PABIR2: variants seen among roughly 807,000 people sequenced by gnomAD.
PABIR2 encodes the protein family with sequence similarity 122B.
In PABIR2, 7 loss-of-function variants were observed where a neutral mutation model predicts 22.8. The observed-to-expected ratio is 0.31, with a 90% CI of 0.17 to 0.58. The LOEUF (loss-of-function observed/expected upper bound fraction) is 0.58. Among genes scored for constraint, PABIR2 ranks in the 20% least tolerant of loss-of-function variants. The pLI, the probability that PABIR2 is intolerant of heterozygous loss-of-function variation, is 0.89. For synonymous variants in PABIR2, 67 were observed against 73.8 expected (o/e 0.91, Z 0.47); for missense variants, 155 against 205.1 (o/e 0.76, Z 1.49).
At chrX:134,786,555 T>C (rs1356552167) in intron 7 of PABIR2, among the ~76,000 whole-genome samples, 4 of 111,855 alleles carry the variant, frequency 3.6e-5, no homozygotes, top group Non-Finnish European at 1.9e-5. Context: ...ATTTGATTGA[T>C]CTATGAACTT....
At position 134,777,267 on chromosome X, in the gene PABIR2, C is replaced by T. The variant is rs753046782; in HGVS notation, c.659+4554G>A. 4.7e-4 allele frequency among the ~76,000 whole-genome samples: 53 copies of T among 112,228 alleles called. 1 individual carries two copies. The South Asian group carries it at 0.018, about 38-fold the overall frequency. ...AGAGCCTGGGTGCGGTGGCTCATGCCTGTAATCCCAACACTTTGGGAGGCC... is the reference window on the plus strand; with the variant it reads ...AGAGCCTGGGTGCGGTGGCTCATGCTTGTAATCCCAACACTTTGGGAGGCC... On this transcript the variant is annotated intron_variant, in intron 9 of 9. Coordinates refer to ENST00000343004, the MANE Select transcript of PABIR2 (RefSeq NM_001387468.1).
intron 9 of PABIR2, among the ~76,000 whole-genome samples, chrX:134,773,276 TA>T (rs1384386243): frequency 9.1e-6 from 1 of 110,158 alleles, no homozygotes; most frequent in African/African-American, 3.3e-5. Context: ...TCACTTATTC[TA>T]ATATTTACTG....
chrX:134,788,897 T>C, intron 5 of PABIR2, 66 bp from the exon 6 acceptor site: 3 of 1,048,119 alleles, frequency 2.9e-6, no homozygotes, highest in East Asian at 3.1e-5. Context: ...CTTACTACTA[T>C]AACACACCCA....
chrX:134,782,765 T>C (rs1365176658), intron 8 of PABIR2, among the ~76,000 whole-genome samples: 1 of 112,311 alleles, frequency 8.9e-6, no homozygotes, highest in Admixed American at 9.5e-5. Flanking sequence ...CTTAAAACTG[T>C]ACAATTAGAA....
intron 9 of PABIR2, among the ~76,000 whole-genome samples, chrX:134,774,855 C>T (rs192652825): frequency 2.2e-3 from 251 of 112,181 alleles, no homozygotes; most frequent in Non-Finnish European, 3.9e-3. Context: ...TACTCATGGT[C>T]ATGGAAGCAG....
chrX:134,788,197 G>A (rs1217150611), intron 6 of PABIR2, among the ~76,000 whole-genome samples: 1 of 62,044 alleles, frequency 1.6e-5, no homozygotes, highest in Non-Finnish European at 2.7e-5. Flanking sequence ...ATATATACAC[G>A]TTATATATGT....
At position 134,771,593 on chromosome X, in the gene PABIR2, G is replaced by A. The variant is rs961737768; in HGVS notation, c.*546C>T. On this transcript the variant is annotated 3_prime_UTR_variant, in exon 10 of 10. Coordinates refer to ENST00000343004, the MANE Select transcript of PABIR2 (RefSeq NM_001387468.1). Reference sequence around the variant, plus strand: ...CCCCTCTGTGAGAAATGGCATAAGCGGCTCAAACAGGAAAGGGAAACAAAA... The same window carrying A: ...CCCCTCTGTGAGAAATGGCATAAGCAGCTCAAACAGGAAAGGGAAACAAAA... 1.1e-6 allele frequency: 1 copy of A among 903,391 alleles called. No individual in the cohort carries two copies. Among genetic ancestry groups the A allele is most frequent in the Non-Finnish European group, 1.4e-6 (1 of 735,004 alleles). The allele number at this position is 903,391 out of a possible 1,213,427, so 74.4% of individuals were successfully genotyped here.
intron 1 of PABIR2, chrX:134,794,126 C>T: frequency 3.7e-6 from 2 of 542,420 alleles, no homozygotes. Flanking sequence ...CGGGGGGCAG[C>T]TGGGAGAGGT....
intron 8 of PABIR2, among the ~76,000 whole-genome samples, chrX:134,783,117 A>T (rs1173484944): frequency 8.9e-6 from 1 of 112,265 alleles, no homozygotes; most frequent in Non-Finnish European, 1.9e-5. Context: ...TCCAACTGTT[A>T]TTTTCACTTA....
Position 134,796,230 on chromosome X carries a change from G to A in PABIR2, c.-25C>T, listed in dbSNP as rs369583664. On this transcript the variant is annotated 5_prime_UTR_variant, in exon 1 of 10. Transcript: ENST00000343004. ...TGTCAGACTTGCAGGCAGGCACAGC[G>A]GGCAGTGCTCAGCTCCTGGTGCTTA... 1 of 1,162,316 alleles carries A rather than the reference G, an allele frequency of 8.6e-7. No individual in the cohort carries two copies. The highest frequency in any genetic ancestry group is 1.2e-6 in the Non-Finnish European group (1 of 853,333).
At chrX:134,787,606 CTTTCTTTTTTTTTTT>C (rs1178264009) in intron 6 of PABIR2, 73 bp from the exon 7 acceptor site, 1 of 288,083 alleles carries the variant, frequency 3.5e-6, no homozygotes, top group Non-Finnish European at 5.2e-6. Flanking sequence ...CTCCAGTTTT[CTTTCTTTTTTTTTTT>C]TTTTTTTTTT....
intron 2 of PABIR2, among the ~76,000 whole-genome samples, chrX:134,792,680 C>A (rs2079581008): frequency 8.9e-6 from 1 of 112,329 alleles, no homozygotes; most frequent in Non-Finnish European, 1.9e-5. Context: ...TTGTGCGATT[C>A]TGAGCAAGTG....
At chrX:134,772,682 AGGTGTTC>A (rs2078866097) in intron 9 of PABIR2, among the ~76,000 whole-genome samples, 1 of 111,342 alleles carries the variant, frequency 9.0e-6, no homozygotes, top group Non-Finnish European at 1.9e-5. Context: ...GGACTATCAG[AGGTGTTC>A]GATCAAGTAC....
chrX:134,796,142 T>C lies in PABIR2; in HGVS notation c.64A>G (p.Arg22Gly). Residue 22 changes from arginine to glycine, a missense_variant, in exon 1 of 10, where the codon AGA (arginine) becomes GGA (glycine). Coordinates refer to ENST00000343004, the MANE Select transcript of PABIR2 (RefSeq NM_001387468.1). Reference sequence around the variant, plus strand: ...TGGATTAGGGGAGCGCTGCTGGATCTCCTCAGGGTTCCCCCATAAGATGTG... The same window carrying C: ...TGGATTAGGGGAGCGCTGCTGGATCCCCTCAGGGTTCCCCCATAAGATGTG... Reference protein sequence around the residue: ...PDTSYGGTLRRSSSAPLIHGL... With the variant: ...PDTSYGGTLRGSSSAPLIHGL... 8.3e-7 allele frequency: 1 copy of C among 1,210,790 alleles called. No individual in the cohort carries two copies. Among genetic ancestry groups the C allele is most frequent in the Non-Finnish European group, 1.1e-6 (1 of 895,264 alleles).
chrX:134,775,118 T>TA (rs1429331115), intron 9 of PABIR2, among the ~76,000 whole-genome samples: 5 of 111,839 alleles, frequency 4.5e-5, no homozygotes, highest in Non-Finnish European at 9.4e-5. Context: ...CAGACAACAG[T>TA]AAAAAAGGAT....
chrX:134,781,039 A>G (rs1386608618), intron 9 of PABIR2, among the ~76,000 whole-genome samples: 1 of 112,626 alleles, frequency 8.9e-6, no homozygotes, highest in African/African-American at 3.2e-5. Context: ...CTGGATACAA[A>G]ATGCAGGCAG....
At chrX:134,785,823 T>C in intron 8 of PABIR2, 63 bp downstream of exon 8, 1 of 1,057,946 alleles carries the variant, frequency 9.5e-7, no homozygotes, top group Non-Finnish European at 1.3e-6. Flanking sequence ...AGATCTACTT[T>C]CTTAGCAAAT....
chrX:134,778,958 C>T (rs1037948186), intron 9 of PABIR2, among the ~76,000 whole-genome samples: 13 of 110,738 alleles, frequency 1.2e-4, no homozygotes, highest in Non-Finnish European at 1.7e-4. Flanking sequence ...GGACTACAGG[C>T]GCCCGCCACC....
At chrX:134,780,289 C>T (rs2079121390) in intron 9 of PABIR2, among the ~76,000 whole-genome samples, 1 of 112,355 alleles carries the variant, frequency 8.9e-6, no homozygotes, top group Non-Finnish European at 1.9e-5. Context: ...TTAAAAAGAT[C>T]TTCAGGCCGG....
Sources: allele counts gnomAD v4.1 joint callset (sites outside exome capture counted in the v4.1 genomes callset), GRCh38; gene constraint gnomAD v4.1.1; transcripts MANE v1.5; gene names NCBI Gene and HGNC (gene_info 2026-07-23, HGNC 2026-07-21).